Variants in LRRC4C observed in about 807,000 individuals in gnomAD.
The protein encoded by LRRC4C is leucine rich repeat containing 4C.
A neutral mutation model predicts 33.6 loss-of-function variants in LRRC4C; 5 were observed. The observed-to-expected ratio is 0.15, with a 90% CI of 0.08 to 0.31. The LOEUF (loss-of-function observed/expected upper bound fraction) is 0.31. LRRC4C is among the 10% of genes least tolerant of loss of function. The pLI, the probability that LRRC4C is intolerant of heterozygous loss-of-function variation, is 1.00. For missense variants in LRRC4C, 560 were observed against 796.7 expected, an observed-to-expected ratio of 0.70 and a Z score of 3.58; for synonymous variants, 329 against 302.0, an observed-to-expected ratio of 1.09 and a Z score of -0.93.
chr11:41,232,452 G>A (rs189453045), intron 1 of LRRC4C, among the ~76,000 whole-genome samples: 7 of 152,024 alleles, frequency 4.6e-5, no homozygotes, highest in East Asian at 1.9e-4. Context: ...ATTATCAAAC[G>A]TTCCCTGGGT....
At chr11:40,593,746 A>G (rs1198402212) in intron 3 of LRRC4C, among the ~76,000 whole-genome samples, 2 of 152,216 alleles carry the variant, frequency 1.3e-5, no homozygotes, top group Non-Finnish European at 2.9e-5. Flanking sequence ...GATGAATTTC[A>G]TCTTCGAAAA....
At chr11:41,157,329 T>C (rs772017112) in intron 1 of LRRC4C, among the ~76,000 whole-genome samples, 7 of 152,024 alleles carry the variant, frequency 4.6e-5, no homozygotes, top group African/African-American at 7.3e-5. Flanking sequence ...GAGAGGGATG[T>C]AGCATGCACA....
At chr11:41,440,418 T>C (rs1955577877) in intron 1 of LRRC4C, among the ~76,000 whole-genome samples, 1 of 152,226 alleles carries the variant, frequency 6.6e-6, no homozygotes, top group South Asian at 2.1e-4. Context: ...ATTTTATAGG[T>C]TTTATCTATG....
At chr11:41,281,819 G>A (rs1246110637) in intron 1 of LRRC4C, among the ~76,000 whole-genome samples, 1 of 152,208 alleles carries the variant, frequency 6.6e-6, no homozygotes, top group African/African-American at 2.4e-5. Context: ...GGAGTTTAGT[G>A]GAGGTTGGTT....
chr11:41,196,119 G>C (rs1251240575), intron 1 of LRRC4C, among the ~76,000 whole-genome samples: 1 of 151,964 alleles, frequency 6.6e-6, no homozygotes, highest in Non-Finnish European at 1.5e-5. Context: ...ATGTCAATTG[G>C]AATATTTCCA....
intron 1 of LRRC4C, among the ~76,000 whole-genome samples, chr11:41,379,050 C>G (rs1345146583): frequency 6.6e-6 from 1 of 151,792 alleles, no homozygotes; most frequent in Admixed American, 6.6e-5. Context: ...GACACACAGA[C>G]ATATAAACTC....
chr11:40,523,278 C>T (rs1251324073), intron 3 of LRRC4C, among the ~76,000 whole-genome samples: 1 of 151,698 alleles, frequency 6.6e-6, no homozygotes, highest in Non-Finnish European at 1.5e-5. Flanking sequence ...TTATTAATGC[C>T]TAGTGGTGTT....
intron 2 of LRRC4C, among the ~76,000 whole-genome samples, chr11:40,837,434 T>C (rs1379472990): frequency 6.6e-6 from 1 of 152,138 alleles, no homozygotes; most frequent in Admixed American, 6.6e-5. Context: ...ATAATTGCAT[T>C]TATTATTATG....
rs971209942 is a variant in LRRC4C, at chr11:40,191,024, G to T, written c.-95-50171C>A. On this transcript the variant is annotated intron_variant, in intron 5 of 6. Coordinates refer to ENST00000528697, the MANE Select transcript of LRRC4C (RefSeq NM_001258419.2). ...AGTCAGGGAAAAGGCAGCTACTATT[G>T]CTACTACTATTGAATATATTACTTG... Among the ~76,000 whole-genome samples, 8 of 152,216 alleles carry T rather than the reference G, an allele frequency of 5.3e-5. No individual in the cohort carries two copies. The South Asian group carries it at 1.0e-3, about 20-fold the overall frequency.
At chr11:40,246,037 A>G in intron 4 of LRRC4C, among the ~76,000 whole-genome samples, 1 of 146,390 alleles carries the variant, frequency 6.8e-6, no homozygotes, top group Admixed American at 6.9e-5. Flanking sequence ...GCAGTGGTGT[A>G]ATCTCAGCTC....
chr11:40,145,272 C>T (rs986650345), intron 5 of LRRC4C, among the ~76,000 whole-genome samples: 15 of 152,068 alleles, frequency 9.9e-5, no homozygotes, highest in Non-Finnish European at 1.9e-4. Context: ...TTGTCACCTC[C>T]TAGGTCAAAA....
At chr11:41,080,132 G>A (rs1049695004) in intron 1 of LRRC4C, among the ~76,000 whole-genome samples, 5 of 151,996 alleles carry the variant, frequency 3.3e-5, no homozygotes, top group African/African-American at 9.7e-5. Context: ...TTAGGGGTGA[G>A]TTTATATCTG....
At chr11:41,062,053 G>T (rs1590395573) in intron 1 of LRRC4C, among the ~76,000 whole-genome samples, 2 of 152,248 alleles carry the variant, frequency 1.3e-5, no homozygotes, top group Middle Eastern at 3.4e-3. Flanking sequence ...ACATATGCTG[G>T]CAGAAGGGAG....
intron 3 of LRRC4C, among the ~76,000 whole-genome samples, chr11:40,600,622 A>G (rs1294235005): frequency 1.3e-5 from 2 of 152,178 alleles, no homozygotes; most frequent in Admixed American, 6.5e-5. Flanking sequence ...AAAAGAAGCT[A>G]TGGAGAAATG....
chr11:41,077,459 G>C (rs1939236084), intron 1 of LRRC4C, among the ~76,000 whole-genome samples: 1 of 152,182 alleles, frequency 6.6e-6, no homozygotes, highest in Non-Finnish European at 1.5e-5. Flanking sequence ...ACACCACATG[G>C]AAGCTGTCAA....
At chr11:40,862,289 G>A (rs1414244555) in intron 2 of LRRC4C, among the ~76,000 whole-genome samples, 3 of 152,020 alleles carry the variant, frequency 2.0e-5, no homozygotes, top group Non-Finnish European at 4.4e-5. Flanking sequence ...TTTGACTTTG[G>A]TGTTTGGAAA....
intron 2 of LRRC4C, among the ~76,000 whole-genome samples, chr11:40,650,963 C>A (rs1015172902): frequency 2.0e-5 from 3 of 152,112 alleles, no homozygotes; most frequent in Non-Finnish European, 4.4e-5. Flanking sequence ...ACAAGTGCCC[C>A]CTTGTAGCCA....
chr11:40,237,561 C>A (rs1377111), intron 5 of LRRC4C, among the ~76,000 whole-genome samples: 1 of 152,088 alleles, frequency 6.6e-6, no homozygotes, highest in African/African-American at 2.4e-5. Context: ...GTTTGGTATA[C>A]GTTGGCACCC....
At chr11:40,682,177 G>A (rs528017347) in intron 2 of LRRC4C, among the ~76,000 whole-genome samples, 10 of 152,036 alleles carry the variant, frequency 6.6e-5, no homozygotes, top group African/African-American at 2.4e-4. Flanking sequence ...GGCTGAGGTG[G>A]GAGAATCACC....
Sources: gnomAD v4.1 joint callset for allele counts (sites outside exome capture counted in the v4.1 genomes callset) on GRCh38, gnomAD v4.1.1 for gene constraint, MANE v1.5 for transcripts, NCBI Gene and HGNC (gene_info 2026-07-23, HGNC 2026-07-21) for gene names.